The following SYT16 variants were observed in gnomAD, a reference collection of about 807,000 sequenced individuals.
SYT16 encodes the protein synaptotagmin-16.
A neutral mutation model predicts 61.4 loss-of-function variants in SYT16; 42 were observed. The observed-to-expected ratio is 0.68, with a 90% CI of 0.53 to 0.89. The LOEUF (loss-of-function observed/expected upper bound fraction) is 0.89. Among genes scored for constraint, SYT16 ranks in the 40% least tolerant of loss-of-function variants. SYT16 has a pLI of 0.00. For missense variants in SYT16, 804 were observed against 807.3 expected (o/e 1.00, Z 0.05); for synonymous variants, 314 against 302.3 (o/e 1.04, Z -0.40).
intron 1 of SYT16, among the ~76,000 whole-genome samples, chr14:61,957,198 T>C (rs964832749): frequency 7.0e-6 from 1 of 143,870 alleles, no homozygotes; most frequent in Non-Finnish European, 1.5e-5. Context: ...CTAACAGTTT[T>C]TTATTATTTT....
At chr14:62,020,710 C>T (rs934535233) in intron 3 of SYT16, among the ~76,000 whole-genome samples, 2 of 152,190 alleles carry the variant, frequency 1.3e-5, no homozygotes, top group Non-Finnish European at 2.9e-5. Context: ...AGCTAAAATT[C>T]CTGGTGGGCG....
chr14:61,827,441 TC>T (rs1221796378), intron 1 of SYT16, among the ~76,000 whole-genome samples: 2 of 152,182 alleles, frequency 1.3e-5, no homozygotes, highest in African/African-American at 2.4e-5. Context: ...CTACTGTTTC[TC>T]CCTTGCTCTT....
intron 1 of SYT16, among the ~76,000 whole-genome samples, chr14:61,928,219 G>C (rs1319401957): frequency 6.6e-6 from 1 of 152,196 alleles, no homozygotes; most frequent in African/African-American, 2.4e-5. Context: ...GAGGCTAGAG[G>C]TGGGAAGGTG....
chr14:62,001,155 C>T (rs1451691955), intron 3 of SYT16, among the ~76,000 whole-genome samples: 1 of 151,958 alleles, frequency 6.6e-6, no homozygotes, highest in Non-Finnish European at 1.5e-5. Flanking sequence ...GAACATATAC[C>T]ACTTATGAAT....
intron 1 of SYT16, among the ~76,000 whole-genome samples, chr14:61,903,973 G>A (rs217653): frequency 0.91 from 138,445 of 152,234 alleles, 63,084 homozygotes; most frequent in East Asian, 0.98. Context: ...CAATAATGAG[G>A]GAATGCCAGT....
chr14:62,050,119 T>C (rs1235950293), intron 3 of SYT16, among the ~76,000 whole-genome samples: 1 of 152,240 alleles, frequency 6.6e-6, no homozygotes, highest in Non-Finnish European at 1.5e-5. Context: ...CAGTCAGACA[T>C]AGATTTGGTC....
chr14:62,022,217 T>A (rs1413073060), intron 3 of SYT16, among the ~76,000 whole-genome samples: 1 of 152,170 alleles, frequency 6.6e-6, no homozygotes, highest in Non-Finnish European at 1.5e-5. Context: ...TTAGTACTTC[T>A]CATAGTGCCA....
intron 3 of SYT16, among the ~76,000 whole-genome samples, chr14:62,048,405 T>C (rs973621165): frequency 4.6e-5 from 7 of 152,334 alleles, no homozygotes; most frequent in African/African-American, 1.7e-4. Context: ...CTATCAATTT[T>C]GTTGATCTTT....
In SYT16 at chr14:62,103,806, A is replaced by T. The variant is rs1196705776; in HGVS notation, c.*3099A>T. ...CCTGCATGAAATCAGGAAAAGAATC[A>T]TCACCATGTTTGTGAGAGGGAAAAG... is the stretch of plus-strand genomic sequence containing the variant. On this transcript the variant is annotated 3_prime_UTR_variant, in exon 8 of 8. Transcript: ENST00000683842. 6.6e-6 allele frequency: 1 copy of T among 152,216 alleles called. No homozygotes were observed. The highest frequency in any genetic ancestry group is 1.5e-5 in the Non-Finnish European group (1 of 68,036). The allele number at this position is 152,216 out of a possible 1,614,324, so 9.4% of individuals were successfully genotyped here. A position where few individuals can be genotyped will look rare whatever the true frequency, so the allele number is the denominator to read the frequency against.
chr14:61,974,266 G>T (rs1267509969), intron 2 of SYT16, among the ~76,000 whole-genome samples: 2 of 152,146 alleles, frequency 1.3e-5, no homozygotes, highest in Non-Finnish European at 1.5e-5. Context: ...CCATGAGGTG[G>T]GCCTGTATTG....
intron 1 of SYT16, among the ~76,000 whole-genome samples, chr14:61,871,886 C>A (rs982333503): frequency 2.6e-5 from 4 of 152,062 alleles, no homozygotes; most frequent in Non-Finnish European, 5.9e-5. Context: ...TAAAATGAGA[C>A]TTTGGAGTTG....
At chr14:61,983,297 G>C (rs1409585133) in intron 2 of SYT16, among the ~76,000 whole-genome samples, 1 of 152,158 alleles carries the variant, frequency 6.6e-6, no homozygotes, top group Non-Finnish European at 1.5e-5. Flanking sequence ...TTCCTCTAAA[G>C]CCTACTTAAG....
At chr14:61,863,877 C>T (rs2047043836) in intron 1 of SYT16, among the ~76,000 whole-genome samples, 1 of 152,134 alleles carries the variant, frequency 6.6e-6, no homozygotes, top group African/African-American at 2.4e-5. Flanking sequence ...ATTATCTTTG[C>T]TCCATTGTAT....
At chr14:62,014,365 C>CA (rs968479457) in intron 3 of SYT16, among the ~76,000 whole-genome samples, 6 of 151,972 alleles carry the variant, frequency 3.9e-5, no homozygotes, top group African/African-American at 1.5e-4. Context: ...CAGTATATAC[C>CA]AAATCCTATT....
At chr14:62,065,956 G>T (rs2140931829) in intron 3 of SYT16, among the ~76,000 whole-genome samples, 1 of 152,348 alleles carries the variant, frequency 6.6e-6, no homozygotes, top group South Asian at 2.1e-4. Context: ...AGGTTTTCAA[G>T]CCCTACTGTG....
At chr14:62,047,124 T>G (rs1195211802) in intron 3 of SYT16, among the ~76,000 whole-genome samples, 1 of 152,196 alleles carries the variant, frequency 6.6e-6, no homozygotes, top group Admixed American at 6.5e-5. Context: ...GTATTGTATC[T>G]TGTATTGTAT....
At chr14:62,077,225 T>C (rs868692037) in intron 5 of SYT16, among the ~76,000 whole-genome samples, 1 of 152,242 alleles carries the variant, frequency 6.6e-6, no homozygotes. Context: ...CAGAAAGGCT[T>C]TCAATTTGAC....
intron 3 of SYT16, among the ~76,000 whole-genome samples, chr14:62,053,210 T>C (rs2055390412): frequency 6.6e-6 from 1 of 152,184 alleles, no homozygotes; most frequent in Non-Finnish European, 1.5e-5. Context: ...AACAGTAAAG[T>C]CCATTCTGAT....
chr14:61,925,974 ACTT>A (rs148734880), intron 1 of SYT16, among the ~76,000 whole-genome samples: 3,438 of 152,264 alleles, frequency 0.023, 46 homozygotes, highest in Admixed American at 0.03. Context: ...GAAGGCAGAG[ACTT>A]CTTCTGCCTT....
Sources: allele counts gnomAD v4.1 joint callset (sites outside exome capture counted in the v4.1 genomes callset), GRCh38; gene constraint gnomAD v4.1.1; transcripts MANE v1.5; gene names NCBI Gene and HGNC (gene_info 2026-07-23, HGNC 2026-07-21).